IGSF21: variants seen among roughly 807,000 people sequenced by gnomAD.
IGSF21 encodes immunoglobin superfamily member 21.
In IGSF21, 28 loss-of-function variants were observed where a neutral mutation model predicts 46.8. The ratio of observed to expected loss-of-function variants is 0.60; its 90% CI spans 0.44 to 0.82. IGSF21 has a LOEUF of 0.82. Ranked by LOEUF, IGSF21 falls within the 40% of genes least tolerant of loss-of-function variation. The pLI, the probability that IGSF21 is intolerant of heterozygous loss-of-function variation, is 0.00. For synonymous variants in IGSF21, 284 were observed against 273.6 expected, an observed-to-expected ratio of 1.04 and a Z score of -0.38; for missense variants, 624 against 665.5, an observed-to-expected ratio of 0.94 and a Z score of 0.69.
intron 2 of IGSF21, among the ~76,000 whole-genome samples, chr1:18,249,006 G>A (rs546438679): frequency 6.6e-6 from 1 of 152,242 alleles, no homozygotes; most frequent in South Asian, 2.1e-4. Flanking sequence ...GCCTGCGCAG[G>A]CCTCCTAAAA....
chr1:18,177,405 G>GGGGATCGGGTCAGTGAGGTA (rs1490202037), intron 1 of IGSF21, among the ~76,000 whole-genome samples: 1 of 146,508 alleles, frequency 6.8e-6, no homozygotes, highest in Admixed American at 6.7e-5. Context: ...GTGTGTGTGT[G>GGGGATCGGGTCAGTGAGGTA]TGTGTGTGTG....
At chr1:18,139,312 G>A (rs929443880) in intron 1 of IGSF21, among the ~76,000 whole-genome samples, 2 of 152,096 alleles carry the variant, frequency 1.3e-5, no homozygotes, top group Non-Finnish European at 2.9e-5. Context: ...AGAGGGATGG[G>A]AGCCGGGGCA....
intron 1 of IGSF21, among the ~76,000 whole-genome samples, chr1:18,173,319 C>T (rs2086759703): frequency 6.6e-6 from 1 of 152,158 alleles, no homozygotes; most frequent in South Asian, 2.1e-4. Context: ...AAAAAATCAG[C>T]TTTAATTGAG....
intron 1 of IGSF21, among the ~76,000 whole-genome samples, chr1:18,197,261 G>GT (rs2087019457): frequency 3.9e-5 from 6 of 152,192 alleles, no homozygotes; most frequent in Admixed American, 3.9e-4. Context: ...GAGAAGCCTG[G>GT]TGCTGAGAGG....
intron 1 of IGSF21, among the ~76,000 whole-genome samples, chr1:18,183,502 G>T (rs1190545260): frequency 6.6e-6 from 1 of 152,244 alleles, no homozygotes; most frequent in Non-Finnish European, 1.5e-5. Flanking sequence ...GAGGTCAGAG[G>T]TGAGCCTGGA....
chr1:18,263,878 C>T (rs1175567230), intron 2 of IGSF21, among the ~76,000 whole-genome samples: 1 of 152,132 alleles, frequency 6.6e-6, no homozygotes, highest in Admixed American at 6.5e-5. Context: ...ACAAAGCCAC[C>T]CAGCTGGGCC....
chr1:18,195,084 G>A (rs1570323206), intron 1 of IGSF21, among the ~76,000 whole-genome samples: 1 of 152,190 alleles, frequency 6.6e-6, no homozygotes, highest in African/African-American at 2.4e-5. Flanking sequence ...ACCAGGCCAT[G>A]CCCTTGACAC....
intron 3 of IGSF21, among the ~76,000 whole-genome samples, chr1:18,297,413 G>A (rs531945458): frequency 7.2e-5 from 11 of 152,144 alleles, no homozygotes; most frequent in East Asian, 5.8e-4. Context: ...CCATATATCA[G>A]GGACAATGAT....
chr1:18,335,586 T>C lies in IGSF21; in HGVS notation c.424+576T>C, dbSNP rs2085758174. 6.6e-6 allele frequency among the ~76,000 whole-genome samples: 1 copy of C among 152,210 alleles called. No homozygotes were observed. The highest frequency in any genetic ancestry group is 2.4e-5 in the African/African-American group (1 of 41,460). ...CCCATGTGTAAAACAAGAATGCTGC[T>C]CTGCACGTTCTCAGAAGCCCCCACT... On this transcript the variant is annotated intron_variant, in intron 4 of 9. Coordinates refer to ENST00000251296, the MANE Select transcript of IGSF21 (RefSeq NM_032880.5). This position sits in a 1 kb window ranked among gnomAD's most constrained non-coding sequence, Gnocchi z 4.8.
chr1:18,139,741 G>T (rs2086397885), intron 1 of IGSF21, among the ~76,000 whole-genome samples: 1 of 152,148 alleles, frequency 6.6e-6, no homozygotes, highest in African/African-American at 2.4e-5. Flanking sequence ...AGCAGATGCT[G>T]TCAGTGCCTG....
At chr1:18,166,562 C>T (rs1023460359) in intron 1 of IGSF21, among the ~76,000 whole-genome samples, 2 of 152,210 alleles carry the variant, frequency 1.3e-5, no homozygotes, top group Non-Finnish European at 1.5e-5. Context: ...CTCTAGAACG[C>T]GTAGCTCCGT....
At chr1:18,377,059 C>A in intron 8 of IGSF21, 67 bp downstream of exon 8, 1 of 1,502,506 alleles carries the variant, frequency 6.7e-7, no homozygotes, top group Non-Finnish European at 8.9e-7. Context: ...GGAGGTTTCC[C>A]CAGGAGGAAG....
chr1:18,268,115 T>A (rs551959112), intron 2 of IGSF21, among the ~76,000 whole-genome samples: 1 of 152,252 alleles, frequency 6.6e-6, no homozygotes, highest in Non-Finnish European at 1.5e-5. Flanking sequence ...AATGCAGGAA[T>A]GAACGACTTG....
At chr1:18,208,055 C>T (rs1557588055) in intron 1 of IGSF21, among the ~76,000 whole-genome samples, 1 of 151,968 alleles carries the variant, frequency 6.6e-6, no homozygotes. Context: ...TAGGAATTAA[C>T]AACCACATCA....
chr1:18,369,228 C>G (rs1471875397), intron 6 of IGSF21, among the ~76,000 whole-genome samples: 19 of 152,204 alleles, frequency 1.2e-4, no homozygotes. Context: ...AGAATTCAGA[C>G]TTCTTAACGT....
intron 1 of IGSF21, among the ~76,000 whole-genome samples, chr1:18,140,016 G>A (rs927485375): frequency 6.6e-6 from 1 of 152,046 alleles, no homozygotes; most frequent in South Asian, 2.1e-4. Context: ...GTGCGATCAC[G>A]GCTCACTGCA....
chr1:18,212,673 C>A (rs988507645), intron 1 of IGSF21, among the ~76,000 whole-genome samples: 2 of 152,208 alleles, frequency 1.3e-5, no homozygotes, highest in Non-Finnish European at 2.9e-5. Context: ...CCAGCCCAAC[C>A]CAGGGGGGGT....
chr1:18,173,753 G>T (rs192957393), intron 1 of IGSF21, among the ~76,000 whole-genome samples: 1 of 152,120 alleles, frequency 6.6e-6, no homozygotes. Flanking sequence ...ATTTATGTAC[G>T]TATGTATTTA....
intron 1 of IGSF21, among the ~76,000 whole-genome samples, chr1:18,217,903 A>T (rs527951321): frequency 6.6e-6 from 1 of 152,312 alleles, no homozygotes; most frequent in Admixed American, 6.5e-5. Context: ...TTGCAATGGT[A>T]ATCAATGAGC....
Sources: gnomAD v4.1 joint callset for allele counts (sites outside exome capture counted in the v4.1 genomes callset) on GRCh38, gnomAD v4.1.1 for gene constraint, Gnocchi (gnomAD v3.1) non-coding constraint, MANE v1.5 for transcripts, NCBI Gene and HGNC (gene_info 2026-07-23, HGNC 2026-07-21) for gene names.